LSS: variants seen among roughly 807,000 people sequenced by gnomAD.
LSS encodes lanosterol synthase, also known as 2,3-epoxysqualene-lanosterol cyclase.
A neutral mutation model predicts 110.3 loss-of-function variants in LSS; 90 were observed. The observed-to-expected ratio is 0.82, with a 90% CI of 0.69 to 0.97. The LOEUF (loss-of-function observed/expected upper bound fraction) is 0.97, where lower values mean the gene tolerates loss of function less well. Among genes scored for constraint, LSS ranks in the 50% least tolerant of loss-of-function variants. The probability of loss-of-function intolerance (pLI) is 0.00; values close to 1 mark genes in which losing one functional copy is unlikely to be tolerated. For missense variants in LSS, 927 were observed against 990.0 expected (o/e 0.94, Z 0.85); for synonymous variants, 433 against 400.0 (o/e 1.08, Z -0.98).
intron 3 of LSS, among the ~76,000 whole-genome samples, chr21:46,226,931 G>A (rs988869429): frequency 7.2e-5 from 11 of 152,188 alleles, no homozygotes; most frequent in African/African-American, 2.7e-4. Context: ...ATTTATGTAG[G>A]AATTCACGTC....
chr21:46,228,470 C>A lies in LSS; in HGVS notation c.144G>T (p.Gln48His), dbSNP rs763024701. ...CCAGGGCGTAGGCTTCCAGGCCGGT[C>A]TGCTCGCGGCCGGCGCGCTCGTCCT... is the stretch of plus-strand genomic sequence containing the variant. Reference protein sequence around the residue: ...YLQDERAGREQTGLEAYALGL... With the variant: ...YLQDERAGREHTGLEAYALGL... The change falls in exon 2 of 22, where the codon CAG becomes CAT. Residue 48 changes from glutamine (Q) to histidine (H), a missense_variant. Gln to His is a conservative substitution (Grantham distance 24). Coordinates refer to ENST00000397728, the MANE Select transcript of LSS (RefSeq NM_002340.6). 5 of 1,603,670 alleles carry A rather than the reference C, an allele frequency of 3.1e-6. No homozygotes were observed. Among genetic ancestry groups the A allele is most frequent in the Non-Finnish European group, 4.2e-6 (5 of 1,179,608 alleles).
At chr21:46,215,335 T>G (rs1169522039) in intron 8 of LSS, 37 bp from the exon 9 acceptor site, 1 of 1,407,972 alleles carries the variant, frequency 7.1e-7, no homozygotes, top group African/African-American at 1.4e-5. Context: ...CCAGACACCA[T>G]GACACTGGCC....
At chr21:46,198,792 T>C (rs1308569853) in intron 17 of LSS, among the ~76,000 whole-genome samples, 1 of 136,766 alleles carries the variant, frequency 7.3e-6, no homozygotes, top group African/African-American at 2.8e-5. Context: ...AAGAGTCTTC[T>C]TGACAGATGG....
rs556029509 is a variant in LSS, at chr21:46,209,268, C to T, written c.1266+286G>A. Among the ~76,000 whole-genome samples, 5 of 152,250 alleles carry T rather than the reference C, an allele frequency of 3.3e-5. No individual in the cohort carries two copies. The South Asian group carries it at 8.3e-4, about 25-fold the overall frequency. Reference sequence around the variant, plus strand: ...CAGCTCAGGGTACACAGCCCCTGCCCGTGCCTGGCCCTTGCACACAGTGGC... The same window carrying T: ...CAGCTCAGGGTACACAGCCCCTGCCTGTGCCTGGCCCTTGCACACAGTGGC... On this transcript the variant is annotated intron_variant, in intron 13 of 21. Transcript: ENST00000397728. This position sits in a 1 kb window ranked among gnomAD's most constrained non-coding sequence, Gnocchi z 4.4.
chr21:46,205,808 C>T, intron 17 of LSS, 28 bp downstream of exon 17: 1 of 1,561,622 alleles, frequency 6.4e-7, no homozygotes, highest in South Asian at 1.2e-5. Flanking sequence ...TGGCAGCGCC[C>T]ACACTGAATG....
intron 17 of LSS, among the ~76,000 whole-genome samples, chr21:46,201,101 C>A (rs960600198): frequency 1.5e-5 from 2 of 136,486 alleles, no homozygotes; most frequent in African/African-American, 6.1e-5. Flanking sequence ...TCATGAAGTC[C>A]TCAGGGTAGA....
At chr21:46,219,765 G>A (rs185262078) in intron 5 of LSS, among the ~76,000 whole-genome samples, 193 bp from the exon 6 acceptor site, 78 of 152,278 alleles carry the variant, frequency 5.1e-4, no homozygotes, top group African/African-American at 1.9e-3. Context: ...CTGGATACAC[G>A]GCCCCCTAGG....
chr21:46,228,536 TCGCCAGCGGCCGAGGTCGGTGG>T lies in LSS; in HGVS notation c.56_77del (p.Ala19AspfsTer53). ...TCTGCCGGCCCCTCTCGCAGTTGAG[TCGCCAGCGGCCGAGGTCGGTGG>T]CGGGCTCGGTCTTGTAGGGGCCCCC... On this transcript the variant is annotated frameshift_variant, in exon 2 of 22. Coordinates refer to ENST00000397728, the MANE Select transcript of LSS (RefSeq NM_002340.6). LOFTEE classifies it high-confidence loss of function. 6.3e-7 allele frequency: 1 copy of T among 1,599,156 alleles called. No individual in the cohort carries two copies.
At chr21:46,213,968 C>G (rs2080168012) in intron 9 of LSS, 133 bp from the exon 10 acceptor site, 1 of 672,356 alleles carries the variant, frequency 1.5e-6, no homozygotes, top group Non-Finnish European at 2.7e-6. Flanking sequence ...AGGACAGGGG[C>G]CTTCTGCTCT....
At chr21:46,195,919 T>A (rs529669583) in intron 18 of LSS, among the ~76,000 whole-genome samples, 163 bp from the exon 19 acceptor site, 54 of 152,252 alleles carry the variant, frequency 3.5e-4, no homozygotes, top group African/African-American at 1.2e-3. Flanking sequence ...TGCTGGACCC[T>A]AAGAGCAAGC....
intron 9 of LSS, among the ~76,000 whole-genome samples, chr21:46,214,658 A>G (rs914248): frequency 0.85 from 129,405 of 152,162 alleles, 55,638 homozygotes; most frequent in African/African-American, 0.92. Context: ...ACAGCCCGGG[A>G]ATTGCACCCT....
At position 46,228,541 on chromosome 21, in the gene LSS, AGCGGCCGAGGTCG is replaced by A; in HGVS notation, c.60_72del (p.Asp21GlyfsTer54). The A allele has an allele frequency of 6.3e-7, 1 of 1,598,614 alleles. No individual in the cohort carries two copies. The highest frequency in any genetic ancestry group is 8.5e-7 in the Non-Finnish European group (1 of 1,178,450). On this transcript the variant is annotated frameshift_variant, in exon 2 of 22. Transcript: ENST00000397728. LOFTEE classifies it high-confidence loss of function. ...CGGCCCCTCTCGCAGTTGAGTCGCCAGCGGCCGAGGTCGGTGGCGGGCTCGGTCTTGTAGGGGC... is the reference window on the plus strand; with the variant it reads ...CGGCCCCTCTCGCAGTTGAGTCGCCAGTGGCGGGCTCGGTCTTGTAGGGGC...
rs371215785 is a variant in LSS, at chr21:46,191,974, G to C, written c.1989-15C>G. 14 of 1,599,310 alleles carry C rather than the reference G, an allele frequency of 8.8e-6. No individual in the cohort carries two copies. Among genetic ancestry groups the C allele is most frequent in the African/African-American group, 1.3e-5 (1 of 74,630 alleles). On this transcript the variant is annotated splice_polypyrimidine_tract_variant and intron_variant, in intron 20 of 21. Coordinates refer to ENST00000397728, the MANE Select transcript of LSS (RefSeq NM_002340.6). Reference sequence around the variant, plus strand: ...TGTCAGGATGCCTGGTGGAAGAGAAGGCTGAAACACACCCAGCATGCATGC... The same window carrying C: ...TGTCAGGATGCCTGGTGGAAGAGAACGCTGAAACACACCCAGCATGCATGC...
intron 20 of LSS, chr21:46,192,173 A>G: frequency 1.6e-6 from 1 of 609,628 alleles, no homozygotes. Flanking sequence ...GAGCCACAGC[A>G]ATGACAGGCT....
chr21:46,197,817 A>T (rs1468825441), intron 17 of LSS, among the ~76,000 whole-genome samples: 1 of 151,114 alleles, frequency 6.6e-6, no homozygotes, highest in Non-Finnish European at 1.5e-5. Flanking sequence ...TGAATCCGGG[A>T]GGCAGAGCTT....
At chr21:46,212,451 C>T (rs144160684) in intron 11 of LSS, among the ~76,000 whole-genome samples, 5 of 152,346 alleles carry the variant, frequency 3.3e-5, no homozygotes, top group Non-Finnish European at 7.4e-5. Context: ...TCAGCCCAGT[C>T]GGACAGGACT....
At chr21:46,202,342 C>T (rs1174218901) in intron 17 of LSS, among the ~76,000 whole-genome samples, 13 of 142,086 alleles carry the variant, frequency 9.1e-5, no homozygotes, top group African/African-American at 2.8e-4. Context: ...TGCAGTGAGC[C>T]GAGATCCCGC....
In LSS at chr21:46,191,850, G is replaced by A. The variant is rs960918032; in HGVS notation, c.2067+31C>T. On this transcript the variant is annotated intron_variant, in intron 21 of 21. Transcript: ENST00000397728. Reference sequence around the variant, plus strand: ...CATGCACGCTGGAGGTCAGTGCTGGGCCTTGTGCGCTCAGGTCCCTGGCGG... The same window carrying A: ...CATGCACGCTGGAGGTCAGTGCTGGACCTTGTGCGCTCAGGTCCCTGGCGG... 3 of 1,592,806 alleles carry A rather than the reference G, an allele frequency of 1.9e-6. No homozygotes were observed. The South Asian group carries it at 3.4e-5, about 18-fold the overall frequency.
At chr21:46,201,801 CTTTTT>C (rs35255202) in intron 17 of LSS, among the ~76,000 whole-genome samples, 4 of 144,918 alleles carry the variant, frequency 2.8e-5, no homozygotes, top group Non-Finnish European at 6.0e-5. Context: ...AGTTTAAAAT[CTTTTT>C]TTTTTTTTTG....
Sources: allele counts gnomAD v4.1 joint callset (sites outside exome capture counted in the v4.1 genomes callset), GRCh38; gene constraint gnomAD v4.1.1; non-coding constraint Gnocchi (gnomAD v3.1); transcripts MANE v1.5; gene names NCBI Gene and HGNC (gene_info 2026-07-23, HGNC 2026-07-21).